The following ZMYM5 variants were observed in gnomAD, a reference collection of about 807,000 sequenced individuals.
ZMYM5 encodes zinc finger MYM-type containing 5.
ZMYM5 carries 41 observed loss-of-function variants against 61.8 expected under a neutral mutation model. The ratio of observed to expected loss-of-function variants is 0.66; its 90% CI spans 0.52 to 0.86. The LOEUF is 0.86. Ranked by LOEUF, ZMYM5 falls within the 40% of genes least tolerant of loss-of-function variation. The pLI is 0.00. For missense variants in ZMYM5, 706 were observed against 786.7 expected (o/e 0.90, Z 1.23); for synonymous variants, 257 against 276.4 (o/e 0.93, Z 0.70).
intron 7 of ZMYM5, among the ~76,000 whole-genome samples, chr13:19,828,944 T>C (rs1891064554): frequency 6.6e-6 from 1 of 152,042 alleles, no homozygotes; most frequent in Non-Finnish European, 1.5e-5. Context: ...ATAATGGAGC[T>C]GAAAAATTCC....
At chr13:19,848,798 G>A (rs1455375671) in intron 4 of ZMYM5, among the ~76,000 whole-genome samples, 1 of 151,852 alleles carries the variant, frequency 6.6e-6, no homozygotes, top group East Asian at 1.9e-4. Context: ...GCCTCCCAAA[G>A]TGCTGGGATT....
At chr13:19,833,482 C>A (rs569436423) in intron 7 of ZMYM5, among the ~76,000 whole-genome samples, 1 of 152,264 alleles carries the variant, frequency 6.6e-6, no homozygotes, top group South Asian at 2.1e-4. Context: ...TCACTGATCT[C>A]TGTTAGCCCA....
chr13:19,851,077 C>T (rs1953274312), intron 4 of ZMYM5, among the ~76,000 whole-genome samples: 1 of 151,892 alleles, frequency 6.6e-6, no homozygotes, highest in African/African-American at 2.4e-5. Flanking sequence ...AGTGTGGTGG[C>T]AGGCGCCTGT....
rs377552308 is a variant in ZMYM5, at chr13:19,852,900, T to C, written c.-10-710A>G. Among the ~76,000 whole-genome samples the C allele has an allele frequency of 2.7e-4, 41 of 152,270 alleles. No individual in the cohort carries two copies. In the East Asian group the frequency reaches 6.9e-3, roughly 26 times the overall value. On this transcript the variant is annotated intron_variant, in intron 2 of 7. Transcript: ENST00000337963. ...TCTGGCTCTGTTGTCCAGGCTGGAGTGCAGTTGTGCCATCCTGGCTCACTG... is the reference window on the plus strand; with the variant it reads ...TCTGGCTCTGTTGTCCAGGCTGGAGCGCAGTTGTGCCATCCTGGCTCACTG...
At chr13:19,833,811 A>G (rs543447815) in intron 7 of ZMYM5, among the ~76,000 whole-genome samples, 4 of 152,292 alleles carry the variant, frequency 2.6e-5, no homozygotes, top group African/African-American at 9.6e-5. Context: ...AACAAAACAA[A>G]ACATTAAGAA....
intron 2 of ZMYM5, among the ~76,000 whole-genome samples, chr13:19,852,860 T>A (rs1953365057): frequency 6.6e-6 from 1 of 152,204 alleles, no homozygotes. Context: ...AAATTCGTTT[T>A]CTTTTGAGAG....
chr13:19,850,747 A>T (rs1235584455), intron 4 of ZMYM5, among the ~76,000 whole-genome samples: 1 of 152,168 alleles, frequency 6.6e-6, no homozygotes, highest in Admixed American at 6.6e-5. Flanking sequence ...CTTTCATTAC[A>T]CTGTATCTTT....
chr13:19,845,446 T>TATA (rs1953041719), intron 4 of ZMYM5, among the ~76,000 whole-genome samples: 1 of 152,202 alleles, frequency 6.6e-6, no homozygotes. Context: ...ATGAATGTTA[T>TATA]CCTAACACCA....
At position 19,825,174 on chromosome 13, in the gene ZMYM5, C is replaced by T. The variant is rs1196089869; in HGVS notation, c.1313G>A (p.Arg438Lys). Residue 438 changes from arginine (R) to lysine (K), a missense_variant, in exon 8 of 8, where the codon AGA (arginine) becomes AAA (lysine). Around this residue, in one of 2 missense-constraint regions of ZMYM5, gnomAD observed 226 missense variants for 325.0 expected, o/e 0.70. Coordinates refer to ENST00000337963, the MANE Select transcript of ZMYM5 (RefSeq NM_001142684.2). Reference sequence around the variant, plus strand: ...ATATAATTGTTTCTCATTTTCTTCTCTAAAAGCATTCCTTTTTCTATTTTC... The same window carrying T: ...ATATAATTGTTTCTCATTTTCTTCTTTAAAAGCATTCCTTTTTCTATTTTC... Reference protein sequence around the residue: ...ASENRKRNAFREENEKQLYGS... With the variant: ...ASENRKRNAFKEENEKQLYGS... The T allele has an allele frequency of 7.7e-7, 1 of 1,297,672 alleles. No homozygotes were observed. The highest frequency in any genetic ancestry group is 1.5e-5 in the African/African-American group (1 of 65,186). The allele number at this position is 1,297,672 out of a possible 1,614,324, so 80.4% of individuals were successfully genotyped here.
chr13:19,848,351 G>A (rs770588892), intron 4 of ZMYM5, among the ~76,000 whole-genome samples: 2 of 152,014 alleles, frequency 1.3e-5, no homozygotes, highest in Non-Finnish European at 2.9e-5. Context: ...TGTGATCATG[G>A]CTCACTGTAG....
At chr13:19,856,743 G>C (rs1287321534) in intron 2 of ZMYM5, among the ~76,000 whole-genome samples, 4 of 152,136 alleles carry the variant, frequency 2.6e-5, no homozygotes, top group Non-Finnish European at 5.9e-5. Flanking sequence ...CCGGGAGGTA[G>C]AAGTTGCAGT....
At position 19,855,268 on chromosome 13, in the gene ZMYM5, CT is replaced by C. The variant is rs756746793; in HGVS notation, c.-10-3079del. Among the ~76,000 whole-genome samples the C allele has an allele frequency of 1.1e-3, 157 of 145,000 alleles. 1 individual carries two copies. Among genetic ancestry groups the C allele is most frequent in the Admixed American group, 1.7e-3 (24 of 14,486 alleles). The stretch of plus-strand genomic sequence containing the variant: ...GTTATAACTGACTCCACAGTATCTT[CT>C]TTTTTTTTTTTAAGATGGAGTCTCG... On this transcript the variant is annotated intron_variant, in intron 2 of 7. Coordinates refer to ENST00000337963, the MANE Select transcript of ZMYM5 (RefSeq NM_001142684.2).
At chr13:19,858,862 C>T (rs1953610393) in intron 2 of ZMYM5, among the ~76,000 whole-genome samples, 1 of 152,118 alleles carries the variant, frequency 6.6e-6, no homozygotes, top group Non-Finnish European at 1.5e-5. Flanking sequence ...ACAGAATGGG[C>T]AGATGCTAAG....
chr13:19,858,203 TA>T (rs1211933155), intron 2 of ZMYM5, among the ~76,000 whole-genome samples: 60 of 121,948 alleles, frequency 4.9e-4, no homozygotes, highest in East Asian at 1.7e-3. Flanking sequence ...CTCTAAAAAT[TA>T]AAAAAAAAAA....
chr13:19,826,908 G>A (rs1395335252), intron 7 of ZMYM5, among the ~76,000 whole-genome samples: 1 of 152,136 alleles, frequency 6.6e-6, no homozygotes, highest in Admixed American at 6.6e-5. Context: ...CCATGCAATG[G>A]ATAAAAACAA....
Position 19,825,172 on chromosome 13 carries a change from C to G in ZMYM5, c.1315G>C (p.Glu439Gln). 2 of 1,298,066 alleles carry G rather than the reference C, an allele frequency of 1.5e-6. No homozygotes were observed. The highest frequency in any genetic ancestry group is 2.0e-6 in the Non-Finnish European group (2 of 990,066). The allele number at this position is 1,298,066 out of a possible 1,614,324, so 80.4% of individuals were successfully genotyped here. The change falls in exon 8 of 8, where the codon GAA (glutamate) becomes CAA (glutamine). Residue 439 changes from glutamate (E) to glutamine (Q), a missense_variant. Around this residue, in one of 2 missense-constraint regions of ZMYM5, gnomAD observed 226 missense variants for 325.0 expected, o/e 0.70. Transcript: ENST00000337963. ...SENRKRNAFR[E>Q]ENEKQLYGSS... ...CCATATAATTGTTTCTCATTTTCTT[C>G]TCTAAAAGCATTCCTTTTTCTATTT...
At chr13:19,837,521 CT>C in intron 6 of ZMYM5, 134 bp downstream of exon 6, 1 of 1,602,450 alleles carries the variant, frequency 6.2e-7, no homozygotes, top group Non-Finnish European at 8.5e-7. Flanking sequence ...CTAACATATC[CT>C]TATTCTTCCT....
chr13:19,842,655 T>TTTTAAAA (rs1952917029), intron 4 of ZMYM5, among the ~76,000 whole-genome samples: 1 of 133,720 alleles, frequency 7.5e-6, no homozygotes, highest in African/African-American at 2.7e-5. Context: ...TTTTTTTAAT[T>TTTTAAAA]AAAAAAAAAA....
chr13:19,845,005 T>C (rs184746314), intron 4 of ZMYM5, among the ~76,000 whole-genome samples: 3 of 152,344 alleles, frequency 2.0e-5, no homozygotes, highest in East Asian at 3.9e-4. Flanking sequence ...TAAAAATATG[T>C]TGACATCTTG....
Sources: gnomAD v4.1 joint callset for allele counts (sites outside exome capture counted in the v4.1 genomes callset) on GRCh38, gnomAD v4.1.1 for gene constraint, gnomAD v4.1.1 regional missense constraint, MANE v1.5 for transcripts, NCBI Gene and HGNC (gene_info 2026-07-23, HGNC 2026-07-21) for gene names.